The following DNAJC1 variants were observed in gnomAD, a reference collection of about 807,000 sequenced individuals.
The protein encoded by DNAJC1 is DnaJ heat shock protein family (Hsp40) member C1, also known as dnaJ homolog subfamily C member 1.
A neutral mutation model predicts 76.6 loss-of-function variants in DNAJC1; 58 were observed. The ratio of observed to expected loss-of-function variants is 0.76; its 90% CI spans 0.61 to 0.94. The LOEUF is 0.94. Ranked by LOEUF, DNAJC1 falls within the 40% of genes least tolerant of loss-of-function variation. The pLI is 0.00. For synonymous variants in DNAJC1, 258 were observed against 267.9 expected, an observed-to-expected ratio of 0.96 and a Z score of 0.36; for missense variants, 689 against 677.3, an observed-to-expected ratio of 1.02 and a Z score of -0.19.
chr10:21,988,644 A>T (rs1364873531), intron 1 of DNAJC1, among the ~76,000 whole-genome samples: 1 of 152,186 alleles, frequency 6.6e-6, no homozygotes, highest in Non-Finnish European at 1.5e-5. Context: ...TGATTATTAA[A>T]ACAGTCTTTA....
intron 1 of DNAJC1, among the ~76,000 whole-genome samples, chr10:21,956,784 C>T (rs1447663209): frequency 6.7e-6 from 1 of 149,142 alleles, no homozygotes; most frequent in East Asian, 2.0e-4. Context: ...AAACAAAAAA[C>T]AGATGCAGTT....
At chr10:21,809,816 A>G (rs992806770) in intron 8 of DNAJC1, among the ~76,000 whole-genome samples, 1 of 152,148 alleles carries the variant, frequency 6.6e-6, no homozygotes, top group African/African-American at 2.4e-5. Context: ...AAAAACAACA[A>G]CAAAATTAAA....
chr10:21,905,252 T>C (rs1467467764), intron 6 of DNAJC1, among the ~76,000 whole-genome samples: 1 of 149,598 alleles, frequency 6.7e-6, no homozygotes, highest in Non-Finnish European at 1.5e-5. Context: ...GCTTTAGTGG[T>C]GTACCAAAAA....
Position 21,756,672 on chromosome 10 carries a change from C to T in DNAJC1, c.*15G>A, listed in dbSNP as rs1387813351. 4.4e-6 allele frequency: 7 copies of T among 1,598,826 alleles called. No individual in the cohort carries two copies. The highest frequency in any genetic ancestry group is 6.0e-6 in the Non-Finnish European group (7 of 1,166,676). On this transcript the variant is annotated 3_prime_UTR_variant, in exon 12 of 12. Coordinates refer to ENST00000376980, the MANE Select transcript of DNAJC1 (RefSeq NM_022365.4). ...CATTTTGGAAAATGAAGGTGAACAT[C>T]ATCTCCCAGAATATTCAGCTTTTAG... is the stretch of plus-strand genomic sequence containing the variant.
intron 6 of DNAJC1, among the ~76,000 whole-genome samples, chr10:21,914,968 A>G (rs1268042336): frequency 6.6e-6 from 1 of 152,228 alleles, no homozygotes; most frequent in African/African-American, 2.4e-5. Flanking sequence ...ACCGTATTGT[A>G]GAATGGTTAT....
intron 8 of DNAJC1, among the ~76,000 whole-genome samples, chr10:21,869,094 C>G (rs1433369185): frequency 6.6e-6 from 1 of 151,810 alleles, no homozygotes; most frequent in Non-Finnish European, 1.5e-5. Context: ...AGAGAATCTC[C>G]TTCCCTTACT....
At chr10:21,774,178 A>G (rs966520025) in intron 9 of DNAJC1, among the ~76,000 whole-genome samples, 1 of 152,046 alleles carries the variant, frequency 6.6e-6, no homozygotes, top group Non-Finnish European at 1.5e-5. Context: ...AAGATACAGA[A>G]TATATTGCAT....
At chr10:21,957,594 A>T (rs1438267508) in intron 1 of DNAJC1, among the ~76,000 whole-genome samples, 1 of 152,194 alleles carries the variant, frequency 6.6e-6, no homozygotes, top group African/African-American at 2.4e-5. Flanking sequence ...TTGGCAACTA[A>T]ACATTTTTCA....
intron 9 of DNAJC1, among the ~76,000 whole-genome samples, chr10:21,788,481 G>A (rs926468618): frequency 6.6e-6 from 1 of 152,182 alleles, no homozygotes; most frequent in Non-Finnish European, 1.5e-5. Context: ...AACAACTCCA[G>A]TACCCTGCTT....
intron 9 of DNAJC1, among the ~76,000 whole-genome samples, chr10:21,777,005 C>T (rs1256829803): frequency 6.6e-6 from 1 of 152,142 alleles, no homozygotes; most frequent in Non-Finnish European, 1.5e-5. Flanking sequence ...TATCACCATT[C>T]TATTGACTTG....
chr10:21,913,481 C>A (rs1210848944), intron 6 of DNAJC1, among the ~76,000 whole-genome samples: 1 of 152,046 alleles, frequency 6.6e-6, no homozygotes, highest in South Asian at 2.1e-4. Flanking sequence ...TTATTATGGG[C>A]CCAAATATTT....
intron 6 of DNAJC1, among the ~76,000 whole-genome samples, chr10:21,910,869 G>GGA (rs1187601722): frequency 6.9e-6 from 1 of 144,974 alleles, no homozygotes; most frequent in African/African-American, 2.6e-5. Context: ...GAGGAGAGGA[G>GGA]AGGAGAGGAG....
intron 9 of DNAJC1, among the ~76,000 whole-genome samples, chr10:21,799,288 GT>G (rs1249138229): frequency 6.6e-6 from 1 of 152,000 alleles, no homozygotes; most frequent in African/African-American, 2.4e-5. Context: ...GCTTTTTACT[GT>G]TTTTTGTTGT....
intron 8 of DNAJC1, among the ~76,000 whole-genome samples, chr10:21,855,109 A>G (rs1214901154): frequency 6.6e-6 from 1 of 152,158 alleles, no homozygotes; most frequent in Non-Finnish European, 1.5e-5. Context: ...TCTACCTCTA[A>G]TAGAATCTTA....
rs150417482 is a variant in DNAJC1, at chr10:21,937,226, G to C, written c.223-8085C>G. On this transcript the variant is annotated intron_variant, in intron 1 of 11. Coordinates refer to ENST00000376980, the MANE Select transcript of DNAJC1 (RefSeq NM_022365.4). ...TTTACTGTACATGGTGTCTATAAGAGACTCACTTTAGAACCAAGATACAAA... is the reference window on the plus strand; with the variant it reads ...TTTACTGTACATGGTGTCTATAAGACACTCACTTTAGAACCAAGATACAAA... Among the ~76,000 whole-genome samples, 5 of 152,128 alleles carry C rather than the reference G, an allele frequency of 3.3e-5. No individual in the cohort carries two copies. In the East Asian group the frequency reaches 9.7e-4, roughly 29 times the overall value.
chr10:21,952,628 G>A (rs1043311213), intron 1 of DNAJC1, among the ~76,000 whole-genome samples: 8 of 152,106 alleles, frequency 5.3e-5, no homozygotes, highest in Non-Finnish European at 8.8e-5. Context: ...GCATAGTGGC[G>A]TGCGCCTGTA....
At chr10:21,902,939 T>C (rs1018603345) in intron 7 of DNAJC1, among the ~76,000 whole-genome samples, 2 of 152,164 alleles carry the variant, frequency 1.3e-5, no homozygotes, top group Non-Finnish European at 2.9e-5. Context: ...CTTTTTTCTT[T>C]TTTTTGAGAC....
chr10:21,916,671 T>G (rs1288452741), intron 6 of DNAJC1, among the ~76,000 whole-genome samples: 1 of 152,152 alleles, frequency 6.6e-6, no homozygotes. Flanking sequence ...AAAGACTTGT[T>G]GTAAATTTCA....
intron 1 of DNAJC1, among the ~76,000 whole-genome samples, chr10:21,959,607 G>A (rs1239645854): frequency 1.3e-5 from 2 of 151,768 alleles, no homozygotes; most frequent in Non-Finnish European, 2.9e-5. Context: ...CCAAAATGGT[G>A]AAACTCTGTC....
Sources: gnomAD v4.1 joint callset for allele counts (sites outside exome capture counted in the v4.1 genomes callset) on GRCh38, gnomAD v4.1.1 for gene constraint, MANE v1.5 for transcripts, NCBI Gene and HGNC (gene_info 2026-07-23, HGNC 2026-07-21) for gene names.